Variants in TOX3 observed in about 807,000 individuals in gnomAD.
TOX3 encodes TOX high mobility group box family member 3.
Under a neutral mutation model 64.3 loss-of-function variants are expected in TOX3, and 22 were observed. The ratio of observed to expected loss-of-function variants is 0.34; its 90% CI spans 0.24 to 0.49. The LOEUF is 0.49. Among genes scored for constraint, TOX3 ranks in the 20% least tolerant of loss-of-function variants. The pLI is 0.99. For synonymous variants in TOX3, 291 were observed against 273.6 expected (o/e 1.06, Z -0.63); for missense variants, 661 against 714.4 (o/e 0.93, Z 0.85).
At chr16:52,521,049 G>A (rs990520890) in intron 1 of TOX3, among the ~76,000 whole-genome samples, 3 of 152,060 alleles carry the variant, frequency 2.0e-5, no homozygotes, top group African/African-American at 7.2e-5. Context: ...GCAAACCAAA[G>A]CTACAGAAGG....
In TOX3 at chr16:52,446,171, A is replaced by G; in HGVS notation, c.729T>C (p.Thr243=). 6 of 1,613,804 alleles carry G rather than the reference A, an allele frequency of 3.7e-6. No homozygotes were observed. The highest frequency in any genetic ancestry group is 5.1e-6 in the Non-Finnish European group (6 of 1,179,830). ...AAPDSGKKPK[T]PKKKKKKDPN... ...GATCTTTCTTTTTCTTTTTCTTTGG[A>G]GTCTTGGGCTTCTTGCCAGAGTCTG... The change falls in exon 5 of 7, where the codon ACT becomes ACC. Residue 243 remains threonine (T), a synonymous_variant. Transcript: ENST00000219746.
At chr16:52,452,756 T>C (rs1042129808) in intron 3 of TOX3, among the ~76,000 whole-genome samples, 1 of 151,680 alleles carries the variant, frequency 6.6e-6, no homozygotes, top group Non-Finnish European at 1.5e-5. Flanking sequence ...AGGAAGATAA[T>C]GCAAGTGGTT....
chr16:52,484,884 G>A (rs769025568), intron 1 of TOX3, among the ~76,000 whole-genome samples: 5 of 151,976 alleles, frequency 3.3e-5, no homozygotes, highest in Admixed American at 6.6e-5. Context: ...AGCAATCCCA[G>A]AACTGGGTAT....
chr16:52,453,686 C>T (rs1960428332), intron 3 of TOX3, among the ~76,000 whole-genome samples: 1 of 152,156 alleles, frequency 6.6e-6, no homozygotes, highest in South Asian at 2.1e-4. Flanking sequence ...GCTCTCTTTG[C>T]TCCAATGCCT....
Position 52,450,261 on chromosome 16 carries a change from G to A in TOX3, c.678+16C>T, listed in dbSNP as rs1960293477. On this transcript the variant is annotated intron_variant, in intron 4 of 6. Transcript: ENST00000219746. ...TATTCTCTGGCAGGTTACACACTAAGGCAGTTCTAACTTACTCTGTTGGCT... is the reference window on the plus strand; with the variant it reads ...TATTCTCTGGCAGGTTACACACTAAAGCAGTTCTAACTTACTCTGTTGGCT... 3.1e-6 allele frequency: 5 copies of A among 1,613,764 alleles called. No homozygotes were observed. Among genetic ancestry groups the A allele is most frequent in the Middle Eastern group, 3.3e-4 (2 of 6,082 alleles).
In TOX3 at chr16:52,468,537, G is replaced by C; in HGVS notation, c.125C>G (p.Ala42Gly). Residue 42 changes from alanine (A) to glycine (G), a missense_variant, in exon 2 of 7, where the codon GCG becomes GGG. Ala to Gly is a moderately conservative substitution (Grantham distance 60). Coordinates refer to ENST00000219746, the MANE Select transcript of TOX3 (RefSeq NM_001080430.4). The stretch of plus-strand genomic sequence containing the variant: ...ACTGGCAGCGAAGAACGCATTGTTC[G>C]CCTCAGCCATATTCATATAGTTATT... Reference protein sequence around the residue: ...NNNNYMNMAEANNAFFAASEQ... With the variant: ...NNNNYMNMAEGNNAFFAASEQ... 6.2e-7 allele frequency: 1 copy of C among 1,612,910 alleles called. No homozygotes were observed. The highest frequency in any genetic ancestry group is 1.1e-5 in the South Asian group (1 of 90,952).
chr16:52,545,315 G>A lies in TOX3; in HGVS notation c.87+1322C>T, dbSNP rs45623741. ...TCCCCTCGATCTATATTTTTTGGGA[G>A]GCCCCTCTGTGCCAGACGCTGAGCT... On this transcript the variant is annotated intron_variant, in intron 1 of 6. Coordinates refer to ENST00000219746, the MANE Select transcript of TOX3 (RefSeq NM_001080430.4). Among the ~76,000 whole-genome samples the A allele has an allele frequency of 4.9e-3, 748 of 152,306 alleles. 1 individual carries two copies. Among genetic ancestry groups the A allele is most frequent in the Middle Eastern group, 0.01 (3 of 292 alleles).
chr16:52,487,540 C>T (rs1041197429), intron 1 of TOX3, among the ~76,000 whole-genome samples: 1 of 152,078 alleles, frequency 6.6e-6, no homozygotes, highest in African/African-American at 2.4e-5. Flanking sequence ...TATATACCCA[C>T]GTCATTTAAG....
chr16:52,465,068 G>T (rs1053123425), intron 2 of TOX3, among the ~76,000 whole-genome samples: 5 of 136,020 alleles, frequency 3.7e-5, no homozygotes, highest in African/African-American at 1.4e-4. Flanking sequence ...AGGCTGGAGG[G>T]CAGTGGTGCC....
intron 1 of TOX3, among the ~76,000 whole-genome samples, chr16:52,489,139 T>A (rs914627144): frequency 6.6e-6 from 1 of 152,202 alleles, no homozygotes; most frequent in Admixed American, 6.5e-5. Context: ...CACTCCACCA[T>A]GGTTTGGTTT....
At chr16:52,466,491 T>G (rs910033309) in intron 2 of TOX3, among the ~76,000 whole-genome samples, 1 of 152,176 alleles carries the variant, frequency 6.6e-6, no homozygotes, top group Non-Finnish European at 1.5e-5. Flanking sequence ...TTTAATGCAG[T>G]GACTGGGAAA....
At chr16:52,542,713 T>C (rs1963101966) in intron 1 of TOX3, among the ~76,000 whole-genome samples, 2 of 152,224 alleles carry the variant, frequency 1.3e-5, no homozygotes, top group African/African-American at 2.4e-5. Flanking sequence ...TTTTTCACAA[T>C]GTGGCTTCAA....
Position 52,446,230 on chromosome 16 carries a change from C to A in TOX3, c.679-9G>T. Reference sequence around the variant, plus strand: ...CTTTTCTCTCCAATGGCCTGCAAAGCAGGAAGAAAATTCACTGCCTAGAAT... The same window carrying A: ...CTTTTCTCTCCAATGGCCTGCAAAGAAGGAAGAAAATTCACTGCCTAGAAT... On this transcript the variant is annotated splice_polypyrimidine_tract_variant and intron_variant, in intron 4 of 6. Coordinates refer to ENST00000219746, the MANE Select transcript of TOX3 (RefSeq NM_001080430.4). 1 of 1,611,346 alleles carries A rather than the reference C, an allele frequency of 6.2e-7. No individual in the cohort carries two copies. The highest frequency in any genetic ancestry group is 8.5e-7 in the Non-Finnish European group (1 of 1,179,214).
intron 6 of TOX3, among the ~76,000 whole-genome samples, chr16:52,443,241 C>T (rs1048189027): frequency 2.0e-5 from 3 of 152,164 alleles, no homozygotes; most frequent in Non-Finnish European, 2.9e-5. Context: ...CTGAGTACAA[C>T]ATCAGTATAT....
intron 1 of TOX3, among the ~76,000 whole-genome samples, chr16:52,530,885 C>T (rs1962837747): frequency 6.6e-6 from 1 of 152,092 alleles, no homozygotes; most frequent in Non-Finnish European, 1.5e-5. Flanking sequence ...ATCATGCAGC[C>T]TTGAAAAACA....
intron 1 of TOX3, among the ~76,000 whole-genome samples, chr16:52,473,053 C>T (rs1184149988): frequency 1.3e-5 from 2 of 152,110 alleles, no homozygotes; most frequent in African/African-American, 4.8e-5. Flanking sequence ...TAAAAAGGAG[C>T]ACCGCAGGAT....
chr16:52,441,297 T>C (rs1006781662), intron 6 of TOX3, among the ~76,000 whole-genome samples: 3 of 152,228 alleles, frequency 2.0e-5, no homozygotes, highest in African/African-American at 7.2e-5. Flanking sequence ...TCCTCAGAGA[T>C]ACCAAATTGA....
At chr16:52,462,806 C>A (rs1323681033) in intron 3 of TOX3, among the ~76,000 whole-genome samples, 1 of 151,486 alleles carries the variant, frequency 6.6e-6, no homozygotes, top group Non-Finnish European at 1.5e-5. Context: ...TACTTAATGA[C>A]TATTTCCCGA....
Position 52,439,549 on chromosome 16 carries a change from C to T in TOX3, c.1407G>A (p.Met469Ile). ...GCATCTGCTGCTGGATTTGCTGATG[C>T]ATTTGGTGCTGCTGGAGTTGCTGCT... is the stretch of plus-strand genomic sequence containing the variant. ...MQQQQLQQHQ[M>I]HQQIQQQMQQ... Residue 469 changes from methionine (M) to isoleucine (I), a missense_variant, in exon 7 of 7, where the codon ATG becomes ATA. By Grantham distance (10) the Met-to-Ile change is conservative (BLOSUM62 1). Around this residue, in one of 3 missense-constraint regions of TOX3, gnomAD observed 299 missense variants for 292.1 expected, o/e 1.02. Transcript: ENST00000219746. 1 of 1,494,688 alleles carries T rather than the reference C, an allele frequency of 6.7e-7. No individual in the cohort carries two copies. Among genetic ancestry groups the T allele is most frequent in the Non-Finnish European group, 9.2e-7 (1 of 1,091,302 alleles). The allele number at this position is 1,494,688 out of a possible 1,614,324, so 92.6% of individuals were successfully genotyped here. A position where few individuals can be genotyped will look rare whatever the true frequency, so the allele number is the denominator to read the frequency against.
Sources: gnomAD v4.1 joint callset for allele counts (sites outside exome capture counted in the v4.1 genomes callset) on GRCh38, gnomAD v4.1.1 for gene constraint, gnomAD v4.1.1 regional missense constraint, MANE v1.5 for transcripts, NCBI Gene and HGNC (gene_info 2026-07-23, HGNC 2026-07-21) for gene names.